The following FAM110C variants were observed in gnomAD, a reference collection of about 807,000 sequenced individuals.
FAM110C encodes the protein protein FAM110C.
Under a neutral mutation model 15.7 loss-of-function variants are expected in FAM110C, and 19 were observed. That is an observed-to-expected ratio of 1.21 (90% CI 0.85 to 1.78). FAM110C has a LOEUF of 1.78. Among genes scored for constraint, FAM110C ranks in the 40% most tolerant of loss-of-function variants. The probability of loss-of-function intolerance (pLI) is 0.00; values close to 1 mark genes in which losing one functional copy is unlikely to be tolerated. For synonymous variants in FAM110C, 275 were observed against 233.9 expected (o/e 1.18, Z -1.61); for missense variants, 547 against 495.7 (o/e 1.10, Z -0.98).
At position 41,632 on chromosome 2, in the gene FAM110C, G is replaced by A; in HGVS notation, c.947-5C>T. On this transcript the variant is annotated splice_polypyrimidine_tract_variant and splice_region_variant and intron_variant, in intron 1 of 1. Coordinates refer to ENST00000327669, the MANE Select transcript of FAM110C (RefSeq NM_001077710.3). Reference sequence around the variant, plus strand: ...ATCATCGGGAAGGTTTGCTTCCTGAGGAGTTAAAGAAAAAATAGTGAATCA... The same window carrying A: ...ATCATCGGGAAGGTTTGCTTCCTGAAGAGTTAAAGAAAAAATAGTGAATCA... The A allele has an allele frequency of 6.2e-7, 1 of 1,612,970 alleles. No homozygotes were observed. The highest frequency in any genetic ancestry group is 1.3e-5 in the African/African-American group (1 of 74,972).
intron 1 of FAM110C, chr2:42,695 G>C (rs551687647): frequency 1.3e-4 from 51 of 403,930 alleles, no homozygotes; most frequent in African/African-American, 1.1e-3. Flanking sequence ...ACTTATAAAC[G>C]TATTTAGTTC....
chr2:42,071 C>G (rs1279725097), intron 1 of FAM110C: 10 of 985,400 alleles, frequency 1.0e-5, no homozygotes, highest in Non-Finnish European at 1.2e-5. Flanking sequence ...GCGCGGGTCA[C>G]ACGACAGGGA....
chr2:45,667 C>T lies in FAM110C; in HGVS notation c.719G>A (p.Gly240Glu), dbSNP rs1664261997. The T allele has an allele frequency of 6.2e-7, 1 of 1,609,154 alleles. No homozygotes were observed. Among genetic ancestry groups the T allele is most frequent in the Non-Finnish European group, 8.5e-7 (1 of 1,178,182 alleles). Residue 240 changes from glycine to glutamate, a missense_variant, in exon 1 of 2, where the codon GGG becomes GAG. Coordinates refer to ENST00000327669, the MANE Select transcript of FAM110C (RefSeq NM_001077710.3). Reference protein sequence around the residue: ...EALGRENFTAGSDCVTLKVRS... With the variant: ...EALGRENFTAESDCVTLKVRS... ...CACCTTGAGGGTCACACAGTCCGAC[C>T]CCGCGGTGAAGTTCTCCCTCCCCAG... is the stretch of plus-strand genomic sequence containing the variant.
Position 46,140 on chromosome 2 carries a change from CG to C in FAM110C, c.245del (p.Pro82ArgfsTer14). 1 of 1,432,026 alleles carries C rather than the reference CG, an allele frequency of 7.0e-7. No homozygotes were observed. The allele number at this position is 1,432,026 out of a possible 1,614,324, so 88.7% of individuals were successfully genotyped here. On this transcript the variant is annotated frameshift_variant, in exon 1 of 2. Transcript: ENST00000327669. LOFTEE classifies it high-confidence loss of function. ...GNDPGPPARA[P>X]APVARRAIAR... The stretch of plus-strand genomic sequence containing the variant: ...CAATAGCCCTGCGCGCCACCGGGGC[CG>C]GGGCGCGGGCCGGGGGCCCAGGGTC...
rs1245903229 is a variant in FAM110C, at chr2:41,439, G to C, written c.*169C>G. ...CTGTTACAACTCAGCTAAATTTCAA[G>C]GTCTGTGTTCCCATATTCTCTGTAG... is the stretch of plus-strand genomic sequence containing the variant. On this transcript the variant is annotated 3_prime_UTR_variant, in exon 2 of 2. Coordinates refer to ENST00000327669, the MANE Select transcript of FAM110C (RefSeq NM_001077710.3). The C allele has an allele frequency of 3.2e-6, 2 of 628,970 alleles. No homozygotes were observed. The highest frequency in any genetic ancestry group is 5.1e-6 in the Non-Finnish European group (2 of 392,620). 39.0% of individuals were successfully genotyped at this position (628,970 alleles called of 1,614,324 possible).
chr2:44,801 A>T (rs1275243297), intron 1 of FAM110C: 1 of 985,324 alleles, frequency 1.0e-6, no homozygotes. Context: ...CAGTTTAAAA[A>T]CCTGAAGCTC....
chr2:45,061 C>G (rs1664237089), intron 1 of FAM110C: 1 of 985,432 alleles, frequency 1.0e-6, no homozygotes, highest in Non-Finnish European at 1.2e-6. Flanking sequence ...CTAGGGCTCT[C>G]AAGCTGTTTT....
At chr2:42,647 T>C (rs1461133064) in intron 1 of FAM110C, among the ~76,000 whole-genome samples, 2 of 152,222 alleles carry the variant, frequency 1.3e-5, no homozygotes, top group Non-Finnish European at 2.9e-5. Context: ...ATAGTCTCAG[T>C]TTTGAAAAGC....
rs1461919078 is a variant in FAM110C at position 40,209 on chromosome 2, T to A, written c.*1399A>T. Reference sequence around the variant, plus strand: ...AATCATATGAAGTAAAATAAAACTATCTGAAGACTAATAACTGTGTAAAAA... The same window carrying A: ...AATCATATGAAGTAAAATAAAACTAACTGAAGACTAATAACTGTGTAAAAA... On this transcript the variant is annotated 3_prime_UTR_variant, in exon 2 of 2. Transcript: ENST00000327669. 6.6e-6 allele frequency: 1 copy of A among 152,182 alleles called. No individual in the cohort carries two copies. The highest frequency in any genetic ancestry group is 1.9e-4 in the East Asian group (1 of 5,194). 9.4% of individuals were successfully genotyped at this position (152,182 alleles called of 1,614,324 possible). A position where few individuals can be genotyped will look rare whatever the true frequency, so the allele number is the denominator to read the frequency against.
Position 45,923 on chromosome 2 carries a change from T to C in FAM110C, c.463A>G (p.Thr155Ala). 1 of 1,408,170 alleles carries C rather than the reference T, an allele frequency of 7.1e-7. No homozygotes were observed. The highest frequency in any genetic ancestry group is 9.2e-7 in the Non-Finnish European group (1 of 1,092,288). 87.2% of individuals were successfully genotyped at this position (1,408,170 alleles called of 1,614,324 possible). Residue 155 changes from threonine to alanine, a missense_variant, in exon 1 of 2, where the codon ACT (threonine) becomes GCT (alanine). Transcript: ENST00000327669. ...GCGGGGTCCGCCGCGGGGCCAGGAG[T>C]GGTCGGGACCGTCTCCGGGTTCCCG... ...KAGNPETVPTTPGPAADPAIP... is the reference protein window; with the variant it reads ...KAGNPETVPTAPGPAADPAIP...
In FAM110C at chr2:45,657, A is replaced by G; in HGVS notation, c.729T>C (p.Cys243=). 1 of 1,611,230 alleles carries G rather than the reference A, an allele frequency of 6.2e-7. No homozygotes were observed. The highest frequency in any genetic ancestry group is 1.1e-5 in the South Asian group (1 of 90,774). ...GRENFTAGSD[C]VTLKVRSVSV... Reference sequence around the variant, plus strand: ...TCACGCTGCGCACCTTGAGGGTCACACAGTCCGACCCCGCGGTGAAGTTCT... The same window carrying G: ...TCACGCTGCGCACCTTGAGGGTCACGCAGTCCGACCCCGCGGTGAAGTTCT... The change falls in exon 1 of 2, where the codon TGT becomes TGC. Residue 243 remains cysteine, a synonymous_variant. Transcript: ENST00000327669.
At chr2:43,888 A>G (rs950764044) in intron 1 of FAM110C, 13 of 985,304 alleles carry the variant, frequency 1.3e-5, no homozygotes, top group Non-Finnish European at 1.4e-5. Context: ...TTATTACTAC[A>G]CAGACTAGAA....
Position 41,718 on chromosome 2 carries a change from G to A in FAM110C, c.947-91C>T, listed in dbSNP as rs868264304. 6 of 1,472,166 alleles carry A rather than the reference G, an allele frequency of 4.1e-6. No homozygotes were observed. The East Asian group carries it at 1.3e-4, about 31-fold the overall frequency. The allele number at this position is 1,472,166 out of a possible 1,614,324, so 91.2% of individuals were successfully genotyped here. On this transcript the variant is annotated intron_variant, in intron 1 of 1. Coordinates refer to ENST00000327669, the MANE Select transcript of FAM110C (RefSeq NM_001077710.3). ...TAAACATTATACTGGTCTGGTCCCT[G>A]TAGTTTTTGTTTTCTGACATTCTCT...
chr2:44,425 A>G lies in FAM110C; in HGVS notation c.946+1015T>C, dbSNP rs1006065960. On this transcript the variant is annotated intron_variant, in intron 1 of 1. Transcript: ENST00000327669. ...TTGGGCAGCCTCCCCCAAACTCTAC[A>G]GGCTGCCATGCATCTTCACTTAGTT... 2.0e-6 allele frequency: 2 copies of G among 985,444 alleles called. 1 individual carries two copies. Among genetic ancestry groups the G allele is most frequent in the African/African-American group, 3.5e-5 (2 of 57,360 alleles). 61.0% of individuals were successfully genotyped at this position (985,444 alleles called of 1,614,324 possible).
chr2:42,752 C>T (rs976831977), intron 1 of FAM110C: 2 of 802,334 alleles, frequency 2.5e-6, no homozygotes, highest in Non-Finnish European at 3.0e-6. Context: ...TCTCTATCTA[C>T]CAAGAGGACA....
At position 46,219 on chromosome 2, in the gene FAM110C, C is replaced by G. The variant is rs565721757; in HGVS notation, c.167G>C (p.Arg56Pro). The change falls in exon 1 of 2, where the codon CGG (arginine) becomes CCG (proline). Residue 56 changes from arginine to proline, a missense_variant. Transcript: ENST00000327669. Reference sequence around the variant, plus strand: ...GCCGCTGCCCTCGGAAGCGACGCCCCGGCCAGTCCCCGGCCGACCCCGCAC... The same window carrying G: ...GCCGCTGCCCTCGGAAGCGACGCCCGGGCCAGTCCCCGGCCGACCCCGCAC... ...KYVRGRPGTG[R>P]GVASEGSGPG... The G allele has an allele frequency of 1.7e-4, 236 of 1,385,314 alleles. 6 individuals are homozygous for G. In the South Asian group the frequency reaches 3.6e-3, roughly 21 times the overall value. 85.8% of individuals were successfully genotyped at this position (1,385,314 alleles called of 1,614,324 possible). A position where few individuals can be genotyped will look rare whatever the true frequency, so the allele number is the denominator to read the frequency against.
At chr2:43,285 G>C (rs1314722355) in intron 1 of FAM110C, 2 of 985,152 alleles carry the variant, frequency 2.0e-6, no homozygotes, top group African/African-American at 1.7e-5. Context: ...AGCTTCTGTG[G>C]GACTGTACCC....
At position 39,345 on chromosome 2, in the gene FAM110C, G is replaced by T. The variant is rs1348085318; in HGVS notation, c.*2263C>A. On this transcript the variant is annotated 3_prime_UTR_variant, in exon 2 of 2. Coordinates refer to ENST00000327669, the MANE Select transcript of FAM110C (RefSeq NM_001077710.3). Reference sequence around the variant, plus strand: ...TGCAATCATGGTTCACTGCAACCTTGAACCCCAAGGCACAAGTGATCCTCC... The same window carrying T: ...TGCAATCATGGTTCACTGCAACCTTTAACCCCAAGGCACAAGTGATCCTCC... 6.6e-6 allele frequency: 1 copy of T among 152,134 alleles called. No homozygotes were observed. Among genetic ancestry groups the T allele is most frequent in the Non-Finnish European group, 1.5e-5 (1 of 68,042 alleles). The allele number at this position is 152,134 out of a possible 1,614,324, so 9.4% of individuals were successfully genotyped here. A position where few individuals can be genotyped will look rare whatever the true frequency, so the allele number is the denominator to read the frequency against.
At position 45,627 on chromosome 2, in the gene FAM110C, G is replaced by C; in HGVS notation, c.759C>G (p.Val253=). Residue 253 remains valine, a synonymous_variant, in exon 1 of 2, where the codon GTC becomes GTG. Coordinates refer to ENST00000327669, the MANE Select transcript of FAM110C (RefSeq NM_001077710.3). ...GGGAGAAGCCGCTGCCGGAGGTGGCGACGCTCACGCTGCGCACCTTGAGGG... is the reference window on the plus strand; with the variant it reads ...GGGAGAAGCCGCTGCCGGAGGTGGCCACGCTCACGCTGCGCACCTTGAGGG... ...CVTLKVRSVS[V]ATSGSGFSRH... is the part of the protein sequence containing the mutation. 1 of 1,613,000 alleles carries C rather than the reference G, an allele frequency of 6.2e-7. No individual in the cohort carries two copies.
Sources: allele counts gnomAD v4.1 joint callset (sites outside exome capture counted in the v4.1 genomes callset), GRCh38; gene constraint gnomAD v4.1.1; transcripts MANE v1.5; gene names NCBI Gene and HGNC (gene_info 2026-07-23, HGNC 2026-07-21).